PPP2R2B: variants seen among roughly 807,000 people sequenced by gnomAD.
The protein encoded by PPP2R2B is serine/threonine-protein phosphatase 2A 55 kDa regulatory subunit B beta isoform.
In PPP2R2B, 5 loss-of-function variants were observed where a neutral mutation model predicts 46.0. The ratio of observed to expected loss-of-function variants is 0.11; its 90% CI spans 0.06 to 0.23. The LOEUF (loss-of-function observed/expected upper bound fraction) is 0.23, where lower values mean the gene tolerates loss of function less well. Among genes scored for constraint, PPP2R2B ranks in the 10% least tolerant of loss-of-function variants. The pLI is 1.00. For synonymous variants in PPP2R2B, 215 were observed against 206.7 expected (o/e 1.04, Z -0.34); for missense variants, 367 against 575.0 (o/e 0.64, Z 3.70).
chr5:146,884,353 A>G (rs963628412), intron 1 of PPP2R2B, among the ~76,000 whole-genome samples: 1 of 152,112 alleles, frequency 6.6e-6, no homozygotes, highest in Non-Finnish European at 1.5e-5. Context: ...AGGAAAATTG[A>G]TGTCGTTGTC....
At chr5:146,771,839 C>G (rs546348589) in intron 2 of PPP2R2B, among the ~76,000 whole-genome samples, 1 of 152,076 alleles carries the variant, frequency 6.6e-6, no homozygotes, top group Non-Finnish European at 1.5e-5. Context: ...GATGAGATAC[C>G]CAATATCCTG....
rs1309119726 is a variant in PPP2R2B at position 146,675,324 on chromosome 5, G to A, written c.447+15804C>T. ...TCTGAGTATTGCCCAAACAACTTAAGCTTTTGAATCTTTATTGAGCATCTT... is the reference window on the plus strand; with the variant it reads ...TCTGAGTATTGCCCAAACAACTTAAACTTTTGAATCTTTATTGAGCATCTT... On this transcript the variant is annotated intron_variant, in intron 5 of 9. Coordinates refer to ENST00000394411, the MANE Select transcript of PPP2R2B (RefSeq NM_181675.4). 3.3e-5 allele frequency among the ~76,000 whole-genome samples: 5 copies of A among 152,114 alleles called. No homozygotes were observed. In the East Asian group the frequency reaches 9.6e-4, roughly 29 times the overall value.
At chr5:147,038,372 G>T (rs1756138620) in intron 1 of PPP2R2B, among the ~76,000 whole-genome samples, 1 of 152,124 alleles carries the variant, frequency 6.6e-6, no homozygotes, top group African/African-American at 2.4e-5. Flanking sequence ...CCTGGGGATT[G>T]AATTCTCCAG....
chr5:146,967,113 G>A (rs1237787141), intron 1 of PPP2R2B, among the ~76,000 whole-genome samples: 1 of 152,184 alleles, frequency 6.6e-6, no homozygotes, highest in African/African-American at 2.4e-5. Context: ...CCCAGGTCTT[G>A]TCTAATTCCA....
chr5:146,801,089 A>G (rs939328164), intron 2 of PPP2R2B, among the ~76,000 whole-genome samples: 3 of 152,190 alleles, frequency 2.0e-5, no homozygotes, highest in African/African-American at 7.2e-5. Flanking sequence ...AGAATGACAA[A>G]TATTGCATGA....
At chr5:147,075,744 C>G (rs1757742417) in intron 2 of PPP2R2B, among the ~76,000 whole-genome samples, 1 of 152,154 alleles carries the variant, frequency 6.6e-6, no homozygotes, top group African/African-American at 2.4e-5. Context: ...CCCCTAAAAT[C>G]TAGCCTATTG....
At chr5:146,778,065 G>A (rs575350096) in intron 2 of PPP2R2B, among the ~76,000 whole-genome samples, 2 of 152,262 alleles carry the variant, frequency 1.3e-5, no homozygotes, top group African/African-American at 4.8e-5. Context: ...TATGAGAATT[G>A]TGTACAACTA....
At chr5:147,042,377 G>T (rs1436256939) in intron 1 of PPP2R2B, among the ~76,000 whole-genome samples, 1 of 152,032 alleles carries the variant, frequency 6.6e-6, no homozygotes, top group Non-Finnish European at 1.5e-5. Context: ...ACTCGCTCAG[G>T]TACAACAACA....
At position 146,687,148 on chromosome 5, in the gene PPP2R2B, G is replaced by C. The variant is rs544401367; in HGVS notation, c.447+3980C>G. 1.2e-4 allele frequency among the ~76,000 whole-genome samples: 19 copies of C among 152,074 alleles called. 1 individual carries two copies. The South Asian group carries it at 3.7e-3, about 30-fold the overall frequency. ...ATTGATCGATTAATCCCCTCACCTG[G>C]AATAATAATGGCACTAATTATTAAG... On this transcript the variant is annotated intron_variant, in intron 5 of 9. Transcript: ENST00000394411.
At chr5:146,685,914 A>G (rs1449126893) in intron 5 of PPP2R2B, among the ~76,000 whole-genome samples, 1 of 152,120 alleles carries the variant, frequency 6.6e-6, no homozygotes, top group Non-Finnish European at 1.5e-5. Flanking sequence ...TCTAGCTTGT[A>G]TGTTAAGAGA....
intron 2 of PPP2R2B, among the ~76,000 whole-genome samples, chr5:146,832,379 C>CTTTTTTTTT (rs34269274): frequency 3.1e-4 from 22 of 70,190 alleles, no homozygotes; most frequent in Non-Finnish European, 5.1e-4. Flanking sequence ...CATTTTTAAT[C>CTTTTTTTTT]TTTTTTTTTT....
chr5:147,026,246 T>TA (rs1168572527), intron 1 of PPP2R2B, among the ~76,000 whole-genome samples: 1 of 152,062 alleles, frequency 6.6e-6, no homozygotes, highest in African/African-American at 2.4e-5. Flanking sequence ...CATCAACAGA[T>TA]AAAGTACGGT....
Position 146,593,214 on chromosome 5 carries a change from T to G in PPP2R2B, c.961-152A>C, listed in dbSNP as rs546868441. Reference sequence around the variant, plus strand: ...TGGATCTGAACCTAGGCTTGGCCCTTTTAGCTGTAGGACATTAGGATGGGT... The same window carrying G: ...TGGATCTGAACCTAGGCTTGGCCCTGTTAGCTGTAGGACATTAGGATGGGT... On this transcript the variant is annotated intron_variant, in intron 8 of 9. Coordinates refer to ENST00000394411, the MANE Select transcript of PPP2R2B (RefSeq NM_181675.4). 48 of 690,190 alleles carry G rather than the reference T, an allele frequency of 7.0e-5. 1 individual carries two copies. The highest frequency in any genetic ancestry group is 6.9e-4 in the African/African-American group (39 of 56,712). 42.8% of individuals were successfully genotyped at this position (690,190 alleles called of 1,614,324 possible). A position where few individuals can be genotyped will look rare whatever the true frequency, so the allele number is the denominator to read the frequency against.
intron 8 of PPP2R2B, among the ~76,000 whole-genome samples, chr5:146,599,736 T>A (rs1317936643): frequency 6.6e-6 from 1 of 152,172 alleles, no homozygotes; most frequent in Non-Finnish European, 1.5e-5. Context: ...GCCATGGTGG[T>A]TTGCTGCACC....
intron 2 of PPP2R2B, among the ~76,000 whole-genome samples, chr5:146,843,391 C>T (rs1346798117): frequency 1.3e-5 from 2 of 152,170 alleles, no homozygotes; most frequent in Non-Finnish European, 2.9e-5. Context: ...TATAAAACAA[C>T]TCCACCCTCT....
chr5:147,046,632 A>T (rs1756556185), intron 1 of PPP2R2B, among the ~76,000 whole-genome samples: 1 of 152,228 alleles, frequency 6.6e-6, no homozygotes, highest in African/African-American at 2.4e-5. Flanking sequence ...TGATCAGTGT[A>T]TGTTACAGGC....
chr5:146,897,462 T>C (rs138600569), intron 1 of PPP2R2B, among the ~76,000 whole-genome samples: 87 of 152,284 alleles, frequency 5.7e-4, no homozygotes, highest in Non-Finnish European at 1.1e-3. Context: ...ATTTTGGAAT[T>C]AGGGACTACA....
chr5:146,813,024 A>T (rs1186740710), intron 2 of PPP2R2B, among the ~76,000 whole-genome samples: 1 of 149,852 alleles, frequency 6.7e-6, no homozygotes, highest in Non-Finnish European at 1.5e-5. Context: ...AGATGGGGAA[A>T]CTCAGATAGA....
intron 1 of PPP2R2B, among the ~76,000 whole-genome samples, chr5:146,930,762 G>A (rs1327836539): frequency 6.6e-6 from 1 of 152,136 alleles, no homozygotes; most frequent in Admixed American, 6.5e-5. Context: ...TCTCATTCTT[G>A]TTGAAGCCTA....
Sources: allele counts gnomAD v4.1 joint callset (sites outside exome capture counted in the v4.1 genomes callset), GRCh38; gene constraint gnomAD v4.1.1; transcripts MANE v1.5; gene names NCBI Gene and HGNC (gene_info 2026-07-23, HGNC 2026-07-21).